Variants in CBR4 observed in about 807,000 individuals in gnomAD.
The protein encoded by CBR4 is 3-oxoacyl-[acyl-carrier-protein] reductase.
In CBR4, 22 loss-of-function variants were observed where a neutral mutation model predicts 21.0. The observed-to-expected ratio is 1.05, with a 90% CI of 0.75 to 1.50. The LOEUF is 1.50. Ranked by LOEUF, CBR4 falls within the 40% of genes most tolerant of loss-of-function variation. The pLI, the probability that CBR4 is intolerant of heterozygous loss-of-function variation, is 0.00. For missense variants in CBR4, 302 were observed against 286.3 expected (o/e 1.05, Z -0.40); for synonymous variants, 100 against 104.4 (o/e 0.96, Z 0.26).
At chr4:168,968,540 T>C (rs117921258) in intron 2 of CBR4, among the ~76,000 whole-genome samples, 2 of 152,354 alleles carry the variant, frequency 1.3e-5, no homozygotes, top group East Asian at 1.9e-4. Flanking sequence ...TCCATGTCAA[T>C]AGTTGCTTAT....
At chr4:168,963,127 C>T (rs1763912355) in intron 2 of CBR4, among the ~76,000 whole-genome samples, 1 of 152,144 alleles carries the variant, frequency 6.6e-6, no homozygotes, top group African/African-American at 2.4e-5. Context: ...TCCACTGAAA[C>T]TAACGGAAAG....
chr4:168,954,583 T>C (rs566495982), intron 2 of CBR4, among the ~76,000 whole-genome samples: 13 of 152,308 alleles, frequency 8.5e-5, no homozygotes, highest in South Asian at 2.1e-4. Context: ...ACTTAAACCA[T>C]AGCATATTCT....
intron 2 of CBR4, among the ~76,000 whole-genome samples, chr4:168,916,332 A>G (rs1420829273): frequency 6.6e-6 from 1 of 152,092 alleles, no homozygotes; most frequent in Non-Finnish European, 1.5e-5. Context: ...GGACTGCTTG[A>G]GCCTAGGAGC....
intron 2 of CBR4, among the ~76,000 whole-genome samples, chr4:168,955,573 TCTCA>T (rs1763661098): frequency 6.6e-6 from 1 of 152,164 alleles, no homozygotes; most frequent in South Asian, 2.1e-4. Context: ...AGGTCACATT[TCTCA>T]CTCACAAGAG....
intron 2 of CBR4, among the ~76,000 whole-genome samples, chr4:168,965,564 T>G (rs1578949561): frequency 6.6e-6 from 1 of 151,728 alleles, no homozygotes; most frequent in Admixed American, 6.6e-5. Context: ...TATAGACCAA[T>G]GGAACAGAAC....
At chr4:169,003,426 A>T (rs1425264606) in intron 3 of CBR4, among the ~76,000 whole-genome samples, 1 of 152,214 alleles carries the variant, frequency 6.6e-6, no homozygotes, top group Non-Finnish European at 1.5e-5. Context: ...GTTGCTTCTT[A>T]TGTATGGATA....
intron 2 of CBR4, among the ~76,000 whole-genome samples, chr4:168,963,048 A>G (rs1378845880): frequency 6.6e-6 from 1 of 152,208 alleles, no homozygotes; most frequent in Non-Finnish European, 1.5e-5. Context: ...TAGTTTAAAT[A>G]ATTGTCCAAA....
chr4:168,927,382 G>GTGTGGAGCACACATGC (rs377756289), intron 2 of CBR4: 10 of 232,768 alleles, frequency 4.3e-5, no homozygotes, highest in Non-Finnish European at 6.8e-5. Context: ...CCAGCTGGAA[G>GTGTGGAGCACACATGC]TGTGGAGCAC....
At chr4:169,008,787 G>A (rs1300255221) in intron 1 of CBR4, among the ~76,000 whole-genome samples, 1 of 152,142 alleles carries the variant, frequency 6.6e-6, no homozygotes, top group East Asian at 1.9e-4. Flanking sequence ...TCCTTTGTTA[G>A]AATGGTAAGG....
intron 2 of CBR4, among the ~76,000 whole-genome samples, chr4:168,957,151 A>G (rs1183229322): frequency 1.3e-5 from 2 of 152,186 alleles, no homozygotes; most frequent in African/African-American, 2.4e-5. Flanking sequence ...TTCAGAATAT[A>G]TTCTGAACAC....
chr4:168,933,500 C>A (rs550506494), intron 2 of CBR4, among the ~76,000 whole-genome samples: 1 of 152,186 alleles, frequency 6.6e-6, no homozygotes, highest in African/African-American at 2.4e-5. Flanking sequence ...CACTGAAGCA[C>A]CCAGATATAT....
At chr4:168,897,061 C>G (rs1755360510) in intron 2 of CBR4, among the ~76,000 whole-genome samples, 1 of 152,180 alleles carries the variant, frequency 6.6e-6, no homozygotes, top group African/African-American at 2.4e-5. Flanking sequence ...GAACTTCTGA[C>G]CTCAGGTGAT....
chr4:168,908,256 G>A (rs942086229), intron 2 of CBR4, among the ~76,000 whole-genome samples: 2 of 152,036 alleles, frequency 1.3e-5, no homozygotes, highest in African/African-American at 4.8e-5. Flanking sequence ...AAAAATTGGA[G>A]TGAACTTCAC....
At chr4:168,967,069 C>A (rs183634159) in intron 2 of CBR4, among the ~76,000 whole-genome samples, 4 of 151,656 alleles carry the variant, frequency 2.6e-5, no homozygotes, top group Non-Finnish European at 5.9e-5. Flanking sequence ...ATGTTTATTG[C>A]GGCACTGTTC....
At chr4:169,008,566 G>T (rs1731117938) in intron 1 of CBR4, among the ~76,000 whole-genome samples, 1 of 152,146 alleles carries the variant, frequency 6.6e-6, no homozygotes, top group Non-Finnish European at 1.5e-5. Context: ...GCGACCCGGG[G>T]AATTATACTT....
At chr4:168,973,861 T>C (rs1764288567) in intron 2 of CBR4, among the ~76,000 whole-genome samples, 1 of 152,230 alleles carries the variant, frequency 6.6e-6, no homozygotes. Context: ...TTGAATGATC[T>C]TTATCCATTC....
intron 2 of CBR4, among the ~76,000 whole-genome samples, chr4:168,921,160 C>G (rs1378490232): frequency 6.6e-6 from 1 of 152,018 alleles, no homozygotes; most frequent in Non-Finnish European, 1.5e-5. Context: ...AATCCCAGCA[C>G]TTTGGGAGGC....
downstream of CBR4, among the ~76,000 whole-genome samples, chr4:168,984,362 T>G (rs1033481785): frequency 6.6e-6 from 1 of 152,046 alleles, no homozygotes; most frequent in Non-Finnish European, 1.5e-5. Context: ...GTAAAGCAAT[T>G]CTACAATGAG....
rs1179734842 is a variant in CBR4 at position 168,918,660 on chromosome 4, T to C, written n.170-23895A>G. Among the ~76,000 whole-genome samples the C allele has an allele frequency of 3.9e-5, 6 of 152,272 alleles. No individual in the cohort carries two copies. The East Asian group carries it at 1.2e-3, about 29-fold the overall frequency. On this transcript the variant is annotated intron_variant and non_coding_transcript_variant, in intron 2 of 3. Coordinates refer to the CBR4 transcript ENST00000509108. ...AACGATGTACTATATACTTGAAAAT[T>C]GCTAAGAGTAGGTTTTAAGTGTTCT...
Sources: gnomAD v4.1 joint callset for allele counts (sites outside exome capture counted in the v4.1 genomes callset) on GRCh38, gnomAD v4.1.1 for gene constraint, MANE v1.5 for transcripts, NCBI Gene and HGNC (gene_info 2026-07-23, HGNC 2026-07-21) for gene names.